The following FLVCR1 variants were observed in gnomAD, a reference collection of about 807,000 sequenced individuals.
FLVCR1 encodes choline/ethanolamine transporter FLVCR1.
In FLVCR1, 34 loss-of-function variants were observed where a neutral mutation model predicts 53.6. The ratio of observed to expected loss-of-function variants is 0.63; its 90% CI spans 0.48 to 0.84. FLVCR1 has a LOEUF of 0.84. Among genes scored for constraint, FLVCR1 ranks in the 40% least tolerant of loss-of-function variants. The probability of loss-of-function intolerance (pLI) is 0.00; values close to 1 mark genes in which losing one functional copy is unlikely to be tolerated. For synonymous variants in FLVCR1, 300 were observed against 286.3 expected (o/e 1.05, Z -0.48); for missense variants, 677 against 696.7 (o/e 0.97, Z 0.32).
At chr1:212,884,755 G>A (rs1311845683) in intron 4 of FLVCR1, among the ~76,000 whole-genome samples, 1 of 152,156 alleles carries the variant, frequency 6.6e-6, no homozygotes, top group Non-Finnish European at 1.5e-5. Context: ...CAAACCTGAT[G>A]GTAGAGCCTG....
intron 1 of FLVCR1, among the ~76,000 whole-genome samples, chr1:212,863,373 TGAGGTCAG>T (rs1299771214): frequency 4.5e-4 from 69 of 152,148 alleles, no homozygotes; most frequent in African/African-American, 1.6e-3. Context: ...GGGCGGATCA[TGAGGTCAG>T]GAGTTCGACA....
At chr1:212,891,862 T>C (rs1268099704) in intron 8 of FLVCR1, among the ~76,000 whole-genome samples, 1 of 152,210 alleles carries the variant, frequency 6.6e-6, no homozygotes, top group Non-Finnish European at 1.5e-5. Flanking sequence ...AAGGAAAAAT[T>C]CTTAAGGGAA....
At chr1:212,889,803 C>T (rs902477092) in intron 8 of FLVCR1, among the ~76,000 whole-genome samples, 1 of 151,084 alleles carries the variant, frequency 6.6e-6, no homozygotes, top group Non-Finnish European at 1.5e-5. Context: ...TTGGGAAGAC[C>T]TGGCCTCAAA....
chr1:212,872,207 C>T (rs1055702817), intron 2 of FLVCR1, among the ~76,000 whole-genome samples: 2 of 152,078 alleles, frequency 1.3e-5, no homozygotes, highest in Admixed American at 6.6e-5. Flanking sequence ...CTTGACCTCC[C>T]AGGCTCAAGG....
Position 212,859,113 on chromosome 1 carries a change from CCCTCCCGCATCG to C in FLVCR1, c.666_677del (p.Arg223_Ser226del). ...GGCCCAGGTGTTCATCCTGGGCTTG[CCCTCCCGCATCG>C]CCTCAGTGTGGTTTGGGCCCAAAGA... is the stretch of plus-strand genomic sequence containing the variant. On this transcript the variant is annotated inframe_deletion, in exon 1 of 10. Coordinates refer to ENST00000366971, the MANE Select transcript of FLVCR1 (RefSeq NM_014053.4). 1 of 1,613,872 alleles carries C rather than the reference CCCTCCCGCATCG, an allele frequency of 6.2e-7. No individual in the cohort carries two copies. Among genetic ancestry groups the C allele is most frequent in the East Asian group, 2.2e-5 (1 of 44,866 alleles).
intron 2 of FLVCR1, among the ~76,000 whole-genome samples, chr1:212,867,037 C>G (rs1411979052): frequency 1.3e-5 from 2 of 152,240 alleles, no homozygotes; most frequent in East Asian, 3.8e-4. Context: ...GATTTTACTT[C>G]TCTCTGAATT....
chr1:212,885,655 A>ATTTTCCT (rs1665044038), intron 5 of FLVCR1: 7 of 343,272 alleles, frequency 2.0e-5, no homozygotes, highest in Non-Finnish European at 3.2e-5. Flanking sequence ...GCTTCACGCC[A>ATTTTCCT]TTTTCCTGCC....
chr1:212,861,795 G>A (rs56226004), intron 1 of FLVCR1, among the ~76,000 whole-genome samples: 5,429 of 151,822 alleles, frequency 0.036, 147 homozygotes, highest in Middle Eastern at 0.082. Context: ...TCAGCCTCCC[G>A]TGTAGCTGGG....
At position 212,858,959 on chromosome 1, in the gene FLVCR1, C is replaced by A; in HGVS notation, c.507C>A (p.Asp169Glu). Residue 169 changes from aspartate (D) to glutamate (E), a missense_variant, in exon 1 of 10, where the codon GAC becomes GAA. By Grantham distance (45) the Asp-to-Glu change is conservative (BLOSUM62 2). Transcript: ENST00000366971. ...TCTTCCCGGCCACCTGGCTGCTGGACACCAGAGGCCTGCGGCTCACCGCCC... is the reference window on the plus strand; with the variant it reads ...TCTTCCCGGCCACCTGGCTGCTGGAAACCAGAGGCCTGCGGCTCACCGCCC... ...PLIFPATWLL[D>E]TRGLRLTALL... 1 of 1,614,184 alleles carries A rather than the reference C, an allele frequency of 6.2e-7. No homozygotes were observed. The highest frequency in any genetic ancestry group is 8.5e-7 in the Non-Finnish European group (1 of 1,180,028).
chr1:212,886,042 C>CTTTTTT (rs5780703), intron 5 of FLVCR1, among the ~76,000 whole-genome samples: 11,566 of 120,818 alleles, frequency 0.096, 1,240 homozygotes, highest in African/African-American at 0.23. Context: ...TTATCTTGTT[C>CTTTTTT]TTTTTTTTTT....
At chr1:212,892,418 C>T (rs778132404) in intron 8 of FLVCR1, among the ~76,000 whole-genome samples, 45 of 152,180 alleles carry the variant, frequency 3.0e-4, no homozygotes, top group Non-Finnish European at 5.1e-4. Flanking sequence ...AAGAATTAGG[C>T]CAAATTTTCT....
chr1:212,873,829 G>A (rs1378403094), intron 3 of FLVCR1, among the ~76,000 whole-genome samples: 1 of 152,092 alleles, frequency 6.6e-6, no homozygotes, highest in Non-Finnish European at 1.5e-5. Flanking sequence ...ATTAAGTCCG[G>A]ACCTAAACTA....
intron 3 of FLVCR1, among the ~76,000 whole-genome samples, chr1:212,873,186 G>A (rs193036893): frequency 3.3e-5 from 5 of 151,958 alleles, no homozygotes; most frequent in East Asian, 3.9e-4. Flanking sequence ...GGTGGCACAC[G>A]CCTGTAATCC....
At chr1:212,862,466 T>C (rs1003799171) in intron 1 of FLVCR1, among the ~76,000 whole-genome samples, 2 of 152,246 alleles carry the variant, frequency 1.3e-5, no homozygotes, top group Non-Finnish European at 2.9e-5. Flanking sequence ...ACTTAGCTTA[T>C]TTGCAAAGTT....
chr1:212,885,875 T>C (rs944876213), intron 5 of FLVCR1, among the ~76,000 whole-genome samples: 2 of 151,840 alleles, frequency 1.3e-5, no homozygotes, highest in Non-Finnish European at 2.9e-5. Flanking sequence ...ACTCTATGTA[T>C]TGTATTATTT....
intron 2 of FLVCR1, among the ~76,000 whole-genome samples, chr1:212,868,040 T>C (rs1187122305): frequency 6.6e-6 from 1 of 152,134 alleles, no homozygotes; most frequent in East Asian, 1.9e-4. Flanking sequence ...CCTGACCTCA[T>C]GATTCGCCCA....
Position 212,858,445 on chromosome 1 carries a change from C to A in FLVCR1, c.-8C>A. On this transcript the variant is annotated 5_prime_UTR_variant, in exon 1 of 10. Transcript: ENST00000366971. ...GGGGGAGCGAGGTGGCGCCGGGGAG[C>A]CTGGGATATGGCGCGGCCAGACGAT... 2 of 1,433,776 alleles carry A rather than the reference C, an allele frequency of 1.4e-6. No homozygotes were observed. Among genetic ancestry groups the A allele is most frequent in the Non-Finnish European group, 9.1e-7 (1 of 1,099,122 alleles). 88.8% of individuals were successfully genotyped at this position (1,433,776 alleles called of 1,614,324 possible). A position where few individuals can be genotyped will look rare whatever the true frequency, so the allele number is the denominator to read the frequency against.
Position 212,883,405 on chromosome 1 carries a change from G to A in FLVCR1, c.1059G>A (p.Thr353=), listed in dbSNP as rs550517136. Residue 353 remains threonine, a synonymous_variant, in exon 4 of 10, where the codon ACG becomes ACA. Coordinates refer to ENST00000366971, the MANE Select transcript of FLVCR1 (RefSeq NM_014053.4). ...IMTGAFYSVS[T]LLNQMILTYY... is the part of the protein sequence containing the mutation. The stretch of plus-strand genomic sequence containing the variant: ...CTGGTGCCTTTTATTCAGTCTCAAC[G>A]TTATTAAATCAAATGATATTGACAT... 32 of 1,582,106 alleles carry A rather than the reference G, an allele frequency of 2.0e-5. No homozygotes were observed. Among genetic ancestry groups the A allele is most frequent in the African/African-American group, 8.1e-5 (6 of 74,400 alleles).
chr1:212,880,810 A>AAT (rs1558116981), intron 3 of FLVCR1, among the ~76,000 whole-genome samples: 2 of 151,744 alleles, frequency 1.3e-5, no homozygotes, highest in Non-Finnish European at 2.9e-5. Flanking sequence ...AAAAAAAAAA[A>AAT]AAAGAAGTCC....
Sources: gnomAD v4.1 joint callset for allele counts (sites outside exome capture counted in the v4.1 genomes callset) on GRCh38, gnomAD v4.1.1 for gene constraint, MANE v1.5 for transcripts, NCBI Gene and HGNC (gene_info 2026-07-23, HGNC 2026-07-21) for gene names.